The following EEF1A2 variants were observed in gnomAD, a reference collection of about 807,000 sequenced individuals.
EEF1A2 encodes elongation factor 1-alpha 2.
EEF1A2 carries 5 observed loss-of-function variants against 39.3 expected under a neutral mutation model. The observed-to-expected ratio is 0.13, with a 90% CI of 0.07 to 0.27. EEF1A2 has a LOEUF of 0.27. Among genes scored for constraint, EEF1A2 ranks in the 10% least tolerant of loss-of-function variants. The pLI is 1.00. For missense variants in EEF1A2, 218 were observed against 681.4 expected, an observed-to-expected ratio of 0.32 and a Z score of 7.57; for synonymous variants, 287 against 293.7, an observed-to-expected ratio of 0.98 and a Z score of 0.23.
intron 4 of EEF1A2, among the ~76,000 whole-genome samples, chr20:63,494,285 G>A (rs1023004318): frequency 9.2e-5 from 14 of 152,214 alleles, no homozygotes; most frequent in African/African-American, 1.4e-4. Context: ...CAGACTGTTC[G>A]CACGTTGAGC....
At chr20:63,496,241 C>A (rs1015510838) in intron 2 of EEF1A2, 6 of 615,282 alleles carry the variant, frequency 9.8e-6, no homozygotes, top group African/African-American at 7.4e-5. Flanking sequence ...GGCCTCCGCA[C>A]CTGCTCCGAA....
In EEF1A2 at chr20:63,488,370, G is replaced by A. The variant is rs367803280; in HGVS notation, c.1320C>T (p.Asn440=). ...RQTVAVGVIK[N]VEKKSGGAGK... is the part of the protein sequence containing the mutation. ...CGGCGCCGCCGCTCTTCTTCTCCAC[G>A]TTCTTGATGACGCCTACGGCCACCG... The change falls in exon 8 of 8, where the codon AAC becomes AAT. Residue 440 remains asparagine (N), a synonymous_variant. Transcript: ENST00000217182. The A allele has an allele frequency of 1.7e-4, 247 of 1,476,046 alleles. 6 individuals carry two copies. The South Asian group carries it at 2.5e-3, about 15-fold the overall frequency. 91.4% of individuals were successfully genotyped at this position (1,476,046 alleles called of 1,614,324 possible).
intron 2 of EEF1A2, chr20:63,496,931 C>G (rs1396023076): frequency 6.6e-6 from 1 of 152,642 alleles, no homozygotes; most frequent in Non-Finnish European, 1.5e-5. Context: ...CACCTTGGGC[C>G]CTGGCCTCCG....
At chr20:63,492,415 T>TAGAGAGAAGGATGGATGGTTGA in intron 5 of EEF1A2, among the ~76,000 whole-genome samples, 1 of 145,442 alleles carries the variant, frequency 6.9e-6, no homozygotes, top group South Asian at 2.2e-4. Context: ...GATGGATGGA[T>TAGAGAGAAGGATGGATGGTTGA]GGATAGAGAG....
chr20:63,488,514 G>A (rs1600901783), intron 7 of EEF1A2, 89 bp from the exon 8 acceptor site: 22 of 1,300,226 alleles, frequency 1.7e-5, no homozygotes, highest in Non-Finnish European at 2.2e-5. Flanking sequence ...GCGCAACCGC[G>A]TCGGGAATGT....
chr20:63,491,468 G>A (rs2082378320), intron 5 of EEF1A2, among the ~76,000 whole-genome samples: 1 of 152,252 alleles, frequency 6.6e-6, no homozygotes, highest in Non-Finnish European at 1.5e-5. Flanking sequence ...ACTGAGGCCA[G>A]TGGCTGTGCT....
chr20:63,490,868 C>G, intron 5 of EEF1A2, 133 bp from the exon 6 acceptor site: 1 of 1,101,556 alleles, frequency 9.1e-7, no homozygotes, highest in Non-Finnish European at 1.3e-6. Context: ...GTTGGGGCCA[C>G]ATGGGCGGAG....
intron 6 of EEF1A2, among the ~76,000 whole-genome samples, chr20:63,489,513 TG>T: frequency 6.6e-6 from 1 of 152,236 alleles, no homozygotes; most frequent in South Asian, 2.1e-4. Context: ...CCAGGCACGG[TG>T]GCTCACACCT....
chr20:63,489,273 C>T, intron 6 of EEF1A2, 121 bp from the exon 7 acceptor site: 1 of 951,666 alleles, frequency 1.1e-6, no homozygotes, highest in Non-Finnish European at 1.5e-6. Context: ...GCCCGGAGTG[C>T]TGACTGGAGG....
intron 3 of EEF1A2, 22 bp from the exon 4 acceptor site, chr20:63,495,123 G>A (rs2082410980): frequency 1.9e-6 from 3 of 1,600,322 alleles, no homozygotes; most frequent in South Asian, 1.1e-5. Context: ...GGGACACAGT[G>A]AGCCCTGCCC....
Position 63,488,925 on chromosome 20 carries a change from C to T in EEF1A2, c.1257G>A (p.Pro419=). Residue 419 remains proline (P), a synonymous_variant, in exon 7 of 8, where the codon CCG becomes CCA. Coordinates refer to ENST00000217182, the MANE Select transcript of EEF1A2 (RefSeq NM_001958.5). ...PMCVESFSQY[P]PLGRFAVRDM... is the part of the protein sequence containing the mutation. The stretch of plus-strand genomic sequence containing the variant: ...CGGACCACCCCGGCTCACCGAGAGG[C>T]GGGTACTGGGAGAAGCTCTCCACAC... The T allele has an allele frequency of 6.2e-7, 1 of 1,609,658 alleles. No homozygotes were observed. The highest frequency in any genetic ancestry group is 8.5e-7 in the Non-Finnish European group (1 of 1,178,796).
At chr20:63,488,778 C>T (rs1433978020) in intron 7 of EEF1A2, 140 bp downstream of exon 7, 3 of 962,284 alleles carry the variant, frequency 3.1e-6, no homozygotes, top group African/African-American at 1.7e-5. Context: ...GGCCGTGGCT[C>T]TCCTGCCATG....
rs1054245229 is a variant in EEF1A2, at chr20:63,497,405, C to T, written c.144+215G>A. 5.5e-5 allele frequency: 35 copies of T among 633,512 alleles called. No individual in the cohort carries two copies. The East Asian group carries it at 7.9e-4, about 14-fold the overall frequency. The allele number at this position is 633,512 out of a possible 1,614,324, so 39.2% of individuals were successfully genotyped here. A position where few individuals can be genotyped will look rare whatever the true frequency, so the allele number is the denominator to read the frequency against. Reference sequence around the variant, plus strand: ...CCTCACCACAGGGCAAGTCCGGCAGCTCGATGGCCACCCCTCCCCCACCAA... The same window carrying T: ...CCTCACCACAGGGCAAGTCCGGCAGTTCGATGGCCACCCCTCCCCCACCAA... On this transcript the variant is annotated intron_variant, in intron 2 of 7. Transcript: ENST00000217182. This position sits in a 1 kb window ranked among gnomAD's most constrained non-coding sequence, Gnocchi z 7.3.
rs140125000 is a variant in EEF1A2, at chr20:63,488,469, ACC to A, written c.1265-46_1265-45del. On this transcript the variant is annotated intron_variant, in intron 7 of 7. Transcript: ENST00000217182. Reference sequence around the variant, plus strand: ...CGTGTGGGCGGGGCCGGAGGACTTGACCCCCCCCAACCCCAGGGCTCTGGCCG... The same window carrying A: ...CGTGTGGGCGGGGCCGGAGGACTTGACCCCCCAACCCCAGGGCTCTGGCCG... The A allele has an allele frequency of 3.7e-6, 5 of 1,336,228 alleles. No homozygotes were observed. In the African/African-American group the frequency reaches 8.0e-5, roughly 21 times the overall value. The allele number at this position is 1,336,228 out of a possible 1,614,324, so 82.8% of individuals were successfully genotyped here.
In EEF1A2 at chr20:63,490,468, C is replaced by T. The variant is rs917960235; in HGVS notation, c.1029+11G>A. 22 of 1,604,158 alleles carry T rather than the reference C, an allele frequency of 1.4e-5. No homozygotes were observed. The highest frequency in any genetic ancestry group is 1.8e-5 in the Non-Finnish European group (21 of 1,173,362). The stretch of plus-strand genomic sequence containing the variant: ...AGGCGCCAGCCCCCTGGACCCAGCG[C>T]AGCCCCCCACCTGGGAGGTGAACTG... On this transcript the variant is annotated intron_variant, in intron 6 of 7. Coordinates refer to ENST00000217182, the MANE Select transcript of EEF1A2 (RefSeq NM_001958.5).
intron 4 of EEF1A2, among the ~76,000 whole-genome samples, chr20:63,493,804 C>CA (rs1274049314): frequency 1.3e-5 from 2 of 152,360 alleles, no homozygotes; most frequent in East Asian, 3.9e-4. Context: ...CCCTCTGGGC[C>CA]ACCTGCCACA....
chr20:63,488,452 C>T (rs759558535), intron 7 of EEF1A2, 27 bp from the exon 8 acceptor site: 5 of 1,397,240 alleles, frequency 3.6e-6, no homozygotes, highest in East Asian at 3.2e-5. Flanking sequence ...GGCGTGTGGG[C>T]GGGGCCGGAG....
intron 7 of EEF1A2, among the ~76,000 whole-genome samples, 193 bp from the exon 8 acceptor site, chr20:63,488,618 G>T (rs941759933): frequency 1.3e-5 from 2 of 152,042 alleles, no homozygotes; most frequent in South Asian, 4.1e-4. Context: ...TCTGCGGGGC[G>T]GCCACGGGGC....
Position 63,492,512 on chromosome 20 carries a change from G to A in EEF1A2, c.772+625C>T, listed in dbSNP as rs796127612. 7.6e-5 allele frequency among the ~76,000 whole-genome samples: 4 copies of A among 52,816 alleles called. No individual in the cohort carries two copies. In the East Asian group the frequency reaches 2.1e-3, roughly 28 times the overall value. The allele number at this position is 52,816 out of a possible 152,430, so 34.6% of individuals were successfully genotyped here. ...TGGATGGACAGAAGGATGGATGGGT[G>A]GGGAGGTGGATGGATGGATGGAAGG... On this transcript the variant is annotated intron_variant, in intron 5 of 7. Transcript: ENST00000217182.
Sources: allele counts gnomAD v4.1 joint callset (sites outside exome capture counted in the v4.1 genomes callset), GRCh38; gene constraint gnomAD v4.1.1; non-coding constraint Gnocchi (gnomAD v3.1); transcripts MANE v1.5; gene names NCBI Gene and HGNC (gene_info 2026-07-23, HGNC 2026-07-21).